The following DLG2 variants were observed in gnomAD, a reference collection of about 807,000 sequenced individuals.
DLG2 encodes the protein disks large homolog 2.
DLG2 carries 45 observed loss-of-function variants against 132.5 expected under a neutral mutation model. The ratio of observed to expected loss-of-function variants is 0.34; its 90% confidence interval spans 0.27 to 0.44. The LOEUF (loss-of-function observed/expected upper bound fraction) is 0.44. Ranked by LOEUF, DLG2 falls within the 20% of genes least tolerant of loss-of-function variation. The probability of loss-of-function intolerance (pLI) is 1.00; values close to 1 mark genes in which losing one functional copy is unlikely to be tolerated. For missense variants in DLG2, 1,045 were observed against 1,196.9 expected (o/e 0.87, Z 1.87); for synonymous variants, 424 against 419.6 (o/e 1.01, Z -0.13).
chr11:84,903,631 T>C (rs2091171079), intron 6 of DLG2, among the ~76,000 whole-genome samples: 2 of 152,188 alleles, frequency 1.3e-5, no homozygotes, highest in South Asian at 2.1e-4. Context: ...AAAGTCATAT[T>C]ATCATACAGG....
At chr11:83,559,397 A>G (rs911894583) in intron 19 of DLG2, among the ~76,000 whole-genome samples, 4 of 152,140 alleles carry the variant, frequency 2.6e-5, no homozygotes, top group Non-Finnish European at 5.9e-5. Flanking sequence ...CTTCAGGTAA[A>G]TAGGAGCTTT....
chr11:84,038,273 T>C (rs1204703286), intron 11 of DLG2, among the ~76,000 whole-genome samples: 1 of 151,852 alleles, frequency 6.6e-6, no homozygotes, highest in African/African-American at 2.4e-5. Context: ...ATATCCAACA[T>C]TTATAAGGAA....
rs2154472525 is a variant in DLG2 at position 84,430,047 on chromosome 11, G to A, written c.519+104523C>T. ...AATATGAGTTGGGGCTAGGGTCACA[G>A]GCTGTAGATTCAGTAAACCTGTTCC... On this transcript the variant is annotated intron_variant, in intron 7 of 27. Coordinates refer to ENST00000376104, the MANE Select transcript of DLG2 (RefSeq NM_001142699.3). 3.3e-5 allele frequency among the ~76,000 whole-genome samples: 5 copies of A among 152,278 alleles called. No homozygotes were observed. The South Asian group carries it at 1.0e-3, about 32-fold the overall frequency.
At chr11:84,819,464 A>C (rs1018434845) in intron 6 of DLG2, among the ~76,000 whole-genome samples, 2 of 151,814 alleles carry the variant, frequency 1.3e-5, no homozygotes, top group Non-Finnish European at 2.9e-5. Context: ...AGATTCTAAC[A>C]TCACTCTCTA....
intron 2 of DLG2, among the ~76,000 whole-genome samples, chr11:85,615,338 C>T (rs555329387): frequency 1.3e-5 from 2 of 152,042 alleles, no homozygotes; most frequent in African/African-American, 2.4e-5. Context: ...GGCAACATGG[C>T]GAAACCCCAT....
intron 3 of DLG2, among the ~76,000 whole-genome samples, chr11:85,506,789 G>A (rs560335338): frequency 6.6e-5 from 10 of 152,222 alleles, no homozygotes; most frequent in East Asian, 3.9e-4. Context: ...TTTCTGTCTC[G>A]TTGATCTGTC....
chr11:83,486,281 G>A, intron 21 of DLG2: 1 of 683,178 alleles, frequency 1.5e-6, no homozygotes. Context: ...AATCATGTAA[G>A]AATTAATGGC....
chr11:85,353,880 C>T (rs947331906), intron 3 of DLG2, among the ~76,000 whole-genome samples: 2 of 151,942 alleles, frequency 1.3e-5, no homozygotes, highest in African/African-American at 4.8e-5. Context: ...TGAAAAATAC[C>T]TAACGTAAAT....
chr11:84,544,075 G>T (rs1328722645), intron 6 of DLG2, among the ~76,000 whole-genome samples: 1 of 152,156 alleles, frequency 6.6e-6, no homozygotes, highest in East Asian at 1.9e-4. Flanking sequence ...AAATAACTAT[G>T]GGAGAACTTA....
chr11:85,559,818 TGATAGATAGATA>T lies in DLG2; in HGVS notation c.40+38827_40+38838del, dbSNP rs59676725. Among the ~76,000 whole-genome samples the T allele has an allele frequency of 1.5e-3, 219 of 144,442 alleles. 3 individuals carry two copies. The highest frequency in any genetic ancestry group is 4.6e-3 in the African/African-American group (183 of 40,214). 94.8% of individuals were successfully genotyped at this position (144,442 alleles called of 152,430 possible). A position where few individuals can be genotyped will look rare whatever the true frequency, so the allele number is the denominator to read the frequency against. ...GATAGATGGTGATTAGTTAGATGATTGATAGATAGATAGATAGATAGATAGATAGATAGATAG... is the reference window on the plus strand; with the variant it reads ...GATAGATGGTGATTAGTTAGATGATTGATAGATAGATAGATAGATAGATAG... On this transcript the variant is annotated intron_variant, in intron 3 of 27. Transcript: ENST00000376104.
intron 6 of DLG2, among the ~76,000 whole-genome samples, chr11:84,806,229 A>C (rs2075982689): frequency 6.6e-6 from 1 of 152,170 alleles, no homozygotes; most frequent in African/African-American, 2.4e-5. Context: ...TTCCAGAATG[A>C]AAGGAGAAAG....
chr11:83,460,676 T>G (rs551838793), intron 27 of DLG2, among the ~76,000 whole-genome samples: 1 of 152,362 alleles, frequency 6.6e-6, no homozygotes, highest in Admixed American at 6.5e-5. Flanking sequence ...CACATCAGTA[T>G]TATCCATATG....
intron 19 of DLG2, among the ~76,000 whole-genome samples, chr11:83,624,843 T>G (rs1356455965): frequency 2.6e-5 from 4 of 152,334 alleles, no homozygotes; most frequent in Admixed American, 1.3e-4. Flanking sequence ...AGAAGTTATA[T>G]AATCAATAGG....
At chr11:84,033,116 C>G (rs1044454783) in intron 11 of DLG2, among the ~76,000 whole-genome samples, 1 of 152,106 alleles carries the variant, frequency 6.6e-6, no homozygotes, top group African/African-American at 2.4e-5. Context: ...GCCCATGGAT[C>G]AAGGGGTAAT....
intron 6 of DLG2, among the ~76,000 whole-genome samples, chr11:84,788,194 A>AAAAC: frequency 6.6e-6 from 1 of 152,006 alleles, no homozygotes; most frequent in Middle Eastern, 3.4e-3. Flanking sequence ...CCAGCAGGTA[A>AAAAC]AAACAAAAAT....
At chr11:84,316,432 C>G (rs2098356189) in intron 7 of DLG2, among the ~76,000 whole-genome samples, 1 of 151,874 alleles carries the variant, frequency 6.6e-6, no homozygotes, top group Non-Finnish European at 1.5e-5. Context: ...TGTTCTTTTG[C>G]CTTTAAAGAG....
At chr11:84,696,562 G>A (rs2058633876) in intron 6 of DLG2, among the ~76,000 whole-genome samples, 1 of 151,380 alleles carries the variant, frequency 6.6e-6, no homozygotes, top group South Asian at 2.1e-4. Flanking sequence ...AGAGGCTTGA[G>A]GAGCAAGGAG....
In DLG2 at chr11:84,172,518, CTTATTTAT is replaced by C. The variant is rs71066098; in HGVS notation, c.574-9015_574-9008del. Among the ~76,000 whole-genome samples, 358 of 134,520 alleles carry C rather than the reference CTTATTTAT, an allele frequency of 2.7e-3. 1 individual carries two copies. The highest frequency in any genetic ancestry group is 7.9e-3 in the African/African-American group (303 of 38,352). 88.3% of individuals were successfully genotyped at this position (134,520 alleles called of 152,430 possible). ...TCAGTATACTATAATTTTTTCCATT[CTTATTTAT>C]TTATTTATTTATTTATTTATTTATT... On this transcript the variant is annotated intron_variant, in intron 8 of 27. Coordinates refer to ENST00000376104, the MANE Select transcript of DLG2 (RefSeq NM_001142699.3).
At chr11:85,323,902 T>C (rs188584067) in intron 3 of DLG2, among the ~76,000 whole-genome samples, 13 of 152,342 alleles carry the variant, frequency 8.5e-5, no homozygotes, top group Admixed American at 6.5e-4. Context: ...CATTAATCTG[T>C]TGATGGACAC....
Sources: gnomAD v4.1 joint callset for allele counts (sites outside exome capture counted in the v4.1 genomes callset) on GRCh38, gnomAD v4.1.1 for gene constraint, MANE v1.5 for transcripts, NCBI Gene and HGNC (gene_info 2026-07-23, HGNC 2026-07-21) for gene names.